The following LGR4 variants were observed in gnomAD, a reference collection of about 807,000 sequenced individuals.
LGR4 encodes the protein leucine-rich repeat-containing G protein-coupled receptor 4.
In LGR4, 44 loss-of-function variants were observed where a neutral mutation model predicts 84.8. The ratio of observed to expected loss-of-function variants is 0.52; its 90% CI spans 0.41 to 0.67. The LOEUF is 0.67. LGR4 is among the 30% of genes least tolerant of loss of function. The pLI is 0.00. For missense variants in LGR4, 1,032 were observed against 1,131.4 expected (o/e 0.91, Z 1.26); for synonymous variants, 429 against 434.3 (o/e 0.99, Z 0.15).
intron 2 of LGR4, among the ~76,000 whole-genome samples, chr11:27,395,756 C>G (rs552541917): frequency 4.8e-4 from 73 of 152,270 alleles, no homozygotes; most frequent in African/African-American, 1.7e-3. Flanking sequence ...CGTAAGTTTA[C>G]GGAGCTGCTG....
intron 1 of LGR4, among the ~76,000 whole-genome samples, chr11:27,445,474 T>C (rs762895625): frequency 1.3e-5 from 2 of 152,158 alleles, no homozygotes; most frequent in Non-Finnish European, 2.9e-5. Flanking sequence ...CTCACACATA[T>C]AAAGCTCTTA....
intron 1 of LGR4, among the ~76,000 whole-genome samples, chr11:27,425,308 A>G (rs1864001861): frequency 6.6e-6 from 1 of 151,476 alleles, no homozygotes; most frequent in Non-Finnish European, 1.5e-5. Flanking sequence ...CGCAGTTTAT[A>G]GTTATTGTCT....
chr11:27,368,505 T>C lies in LGR4; in HGVS notation c.2218A>G (p.Asn740Asp). The C allele has an allele frequency of 6.2e-7, 1 of 1,614,208 alleles. No homozygotes were observed. The highest frequency in any genetic ancestry group is 1.6e-4 in the Middle Eastern group (1 of 6,062). The change falls in exon 18 of 18, where the codon AAC becomes GAC. Residue 740 changes from asparagine (N) to aspartate (D), a missense_variant. Physicochemically the swap from Asn to Asp is conservative, Grantham distance 23. Transcript: ENST00000379214. The part of the protein sequence containing the change: ...CNLEKEDLSE[N>D]SQSSMIKHVA... ...TGCTTAATCATGCTAGATTGTGAGT[T>C]TTCTGAGAGGTCCTCTTTTTCCAAG...
chr11:27,431,851 G>A (rs986089463), intron 1 of LGR4, among the ~76,000 whole-genome samples: 4 of 152,160 alleles, frequency 2.6e-5, no homozygotes, highest in Non-Finnish European at 5.9e-5. Context: ...TATTAGCTGC[G>A]TGATCTTCCA....
At chr11:27,419,700 G>A (rs564523947) in intron 1 of LGR4, among the ~76,000 whole-genome samples, 2 of 150,104 alleles carry the variant, frequency 1.3e-5, no homozygotes, top group East Asian at 3.9e-4. Context: ...CTAAATTAGT[G>A]AATGGATAAA....
At chr11:27,452,114 A>G (rs1052578299) in intron 1 of LGR4, among the ~76,000 whole-genome samples, 107 of 152,282 alleles carry the variant, frequency 7.0e-4, no homozygotes, top group African/African-American at 2.6e-3. Flanking sequence ...AAGTTAAAAG[A>G]TCTAGATTGA....
intron 1 of LGR4, among the ~76,000 whole-genome samples, chr11:27,452,128 T>G (rs1485317220): frequency 6.6e-6 from 1 of 152,222 alleles, no homozygotes; most frequent in African/African-American, 2.4e-5. Flanking sequence ...AGATTGAGAC[T>G]CTGGCTCTGC....
At chr11:27,371,391 G>A (rs1862879564) in intron 17 of LGR4, among the ~76,000 whole-genome samples, 1 of 152,188 alleles carries the variant, frequency 6.6e-6, no homozygotes, top group Admixed American at 6.5e-5. Flanking sequence ...TCACCTGGGG[G>A]AGCTTGTTAA....
At chr11:27,433,263 A>T (rs1264318080) in intron 1 of LGR4, among the ~76,000 whole-genome samples, 1 of 152,120 alleles carries the variant, frequency 6.6e-6, no homozygotes, top group Non-Finnish European at 1.5e-5. Context: ...TCCAGGCTGG[A>T]GTGCAGTGGC....
At chr11:27,464,264 T>C (rs1864737261) in intron 1 of LGR4, among the ~76,000 whole-genome samples, 1 of 152,200 alleles carries the variant, frequency 6.6e-6, no homozygotes, top group Admixed American at 6.5e-5. Flanking sequence ...CCTGAAAATA[T>C]CTGGTCTGCC....
Position 27,366,718 on chromosome 11 carries a change from C to T in LGR4, c.*1149G>A, listed in dbSNP as rs1862771687. On this transcript the variant is annotated 3_prime_UTR_variant, in exon 18 of 18. Transcript: ENST00000379214. ...GGACTAAGCTTTATTCTTTCTTCTTCTATTTTTATTAATAACATATTATCT... is the reference window on the plus strand; with the variant it reads ...GGACTAAGCTTTATTCTTTCTTCTTTTATTTTTATTAATAACATATTATCT... 6.6e-6 allele frequency: 1 copy of T among 152,468 alleles called. No homozygotes were observed. Among genetic ancestry groups the T allele is most frequent in the South Asian group, 2.1e-4 (1 of 4,830 alleles). The allele number at this position is 152,468 out of a possible 1,614,324, so 9.4% of individuals were successfully genotyped here.
Position 27,437,917 on chromosome 11 carries a change from G to A in LGR4, c.186-25057C>T, listed in dbSNP as rs377453142. On this transcript the variant is annotated intron_variant, in intron 1 of 17. Coordinates refer to ENST00000379214, the MANE Select transcript of LGR4 (RefSeq NM_018490.5). ...TACTCAGGACAGGGGTGAGGTGGCT[G>A]AGATGGAAGGACAACTTGAGCTTGC... Among the ~76,000 whole-genome samples the A allele has an allele frequency of 3.9e-5, 6 of 152,062 alleles. No homozygotes were observed. In the East Asian group the frequency reaches 9.6e-4, roughly 24 times the overall value.
chr11:27,454,761 CAAA>C lies in LGR4; in HGVS notation c.185+17354_185+17356del, dbSNP rs59633176. On this transcript the variant is annotated intron_variant, in intron 1 of 17. Coordinates refer to ENST00000379214, the MANE Select transcript of LGR4 (RefSeq NM_018490.5). ...TGGAAGACAGAGCAAGACTCTGTCT[CAAA>C]AAAAAAAAAAAAAGCAAAATTATTT... 7.7e-4 allele frequency among the ~76,000 whole-genome samples: 84 copies of C among 108,792 alleles called. 3 individuals are homozygous for C. In the South Asian group the frequency reaches 0.018, roughly 23 times the overall value. The allele number at this position is 108,792 out of a possible 152,430, so 71.4% of individuals were successfully genotyped here. A position where few individuals can be genotyped will look rare whatever the true frequency, so the allele number is the denominator to read the frequency against.
At chr11:27,471,924 C>A in intron 1 of LGR4, 194 bp downstream of exon 1, 1 of 365,934 alleles carries the variant, frequency 2.7e-6, no homozygotes, top group East Asian at 4.2e-5. Flanking sequence ...CCCGGACTAG[C>A]AAAGTGCGGA....
In LGR4 at chr11:27,466,050, A is replaced by G. The variant is rs374273567; in HGVS notation, c.185+6068T>C. ...ACTTGAAGGCCGCACGGGACGGTTAAATAGCAAGCTGGGTAACATATTTCT... is the reference window on the plus strand; with the variant it reads ...ACTTGAAGGCCGCACGGGACGGTTAGATAGCAAGCTGGGTAACATATTTCT... On this transcript the variant is annotated intron_variant, in intron 1 of 17. Transcript: ENST00000379214. Among the ~76,000 whole-genome samples the G allele has an allele frequency of 1.1e-4, 17 of 152,228 alleles. No homozygotes were observed. The East Asian group carries it at 3.1e-3, about 28-fold the overall frequency.
intron 1 of LGR4, among the ~76,000 whole-genome samples, chr11:27,465,884 G>C (rs1252751178): frequency 6.6e-6 from 1 of 152,102 alleles, no homozygotes; most frequent in African/African-American, 2.4e-5. Context: ...TTCACTGACA[G>C]GATTTACAAT....
At chr11:27,459,636 C>G (rs1328209576) in intron 1 of LGR4, among the ~76,000 whole-genome samples, 1 of 151,990 alleles carries the variant, frequency 6.6e-6, no homozygotes, top group Non-Finnish European at 1.5e-5. Flanking sequence ...ACCACTGCAC[C>G]TGCCTAATTT....
chr11:27,373,818 C>T (rs1041749701), intron 14 of LGR4, 142 bp from the exon 15 acceptor site: 2 of 1,017,786 alleles, frequency 2.0e-6, no homozygotes, highest in African/African-American at 3.2e-5. Context: ...TAGCATGTAT[C>T]TTGCCGTTTA....
chr11:27,450,182 A>G (rs2133442859), intron 1 of LGR4, among the ~76,000 whole-genome samples: 1 of 152,342 alleles, frequency 6.6e-6, no homozygotes. Flanking sequence ...AACGGAAGGG[A>G]CAGAATTTTG....
Sources: gnomAD v4.1 joint callset for allele counts (sites outside exome capture counted in the v4.1 genomes callset) on GRCh38, gnomAD v4.1.1 for gene constraint, MANE v1.5 for transcripts, NCBI Gene and HGNC (gene_info 2026-07-23, HGNC 2026-07-21) for gene names.